CHD7: variants seen among roughly 807,000 people sequenced by gnomAD.
CHD7 encodes ATP-dependent chromatin remodeler CHD7.
A neutral mutation model predicts 307.3 loss-of-function variants in CHD7; 24 were observed. The ratio of observed to expected loss-of-function variants is 0.08; its 90% CI spans 0.06 to 0.11. CHD7 has a LOEUF of 0.11. Among genes scored for constraint, CHD7 ranks in the 10% least tolerant of loss-of-function variants. The pLI, the probability that CHD7 is intolerant of heterozygous loss-of-function variation, is 1.00. For missense variants in CHD7, 3,106 were observed against 3,727.1 expected, an observed-to-expected ratio of 0.83 and a Z score of 4.34; for synonymous variants, 1,363 against 1,349.9, an observed-to-expected ratio of 1.01 and a Z score of -0.21.
chr8:60,811,964 T>G (rs1233397018), intron 7 of CHD7, among the ~76,000 whole-genome samples: 1 of 152,250 alleles, frequency 6.6e-6, no homozygotes, highest in Non-Finnish European at 1.5e-5. Flanking sequence ...TTTTTACATC[T>G]TGCTTTGTCA....
chr8:60,753,684 G>C (rs944858601), intron 2 of CHD7, among the ~76,000 whole-genome samples: 12 of 151,328 alleles, frequency 7.9e-5, no homozygotes, highest in African/African-American at 2.9e-4. Context: ...GTTTGCAGTG[G>C]TGCGATCTTG....
chr8:60,791,510 G>A (rs549583562), intron 3 of CHD7, among the ~76,000 whole-genome samples: 95 of 152,264 alleles, frequency 6.2e-4, no homozygotes, highest in African/African-American at 2.2e-3. Flanking sequence ...CTAGAACAGT[G>A]GCCCTTTTCA....
rs115293759 is a variant in CHD7 at position 60,741,741 on chromosome 8, G to A, written c.309G>A (p.Ser103=). ...TPGNGLASPH[S]QYHTPPVPQV... is the part of the protein sequence containing the mutation. ...GGAACGGACTCGCGTCTCCGCACTC[G>A]CAGTATCACACCCCTCCCGTTCCTC... is the stretch of plus-strand genomic sequence containing the variant. The change falls in exon 2 of 38, where the codon TCG becomes TCA. Residue 103 remains serine (S), a synonymous_variant. Transcript: ENST00000423902. 1,518 of 1,613,900 alleles carry A rather than the reference G, an allele frequency of 9.4e-4. 10 individuals are homozygous for A. The African/African-American group carries it at 0.018, about 19-fold the overall frequency.
chr8:60,710,964 A>C (rs563737277), intron 1 of CHD7, among the ~76,000 whole-genome samples: 35 of 152,294 alleles, frequency 2.3e-4, no homozygotes, highest in Non-Finnish European at 4.0e-4. Flanking sequence ...AATAAAACAT[A>C]TTTTTTTAAA....
At chr8:60,702,739 T>G (rs929552834) in intron 1 of CHD7, among the ~76,000 whole-genome samples, 3 of 152,378 alleles carry the variant, frequency 2.0e-5, no homozygotes, top group South Asian at 4.1e-4. Context: ...TGTAACAAAC[T>G]ACACTGAAAC....
chr8:60,779,270 A>AT (rs932931717), intron 2 of CHD7, among the ~76,000 whole-genome samples: 59 of 152,304 alleles, frequency 3.9e-4, no homozygotes, highest in African/African-American at 1.4e-3. Context: ...CTGGACTTGA[A>AT]TTTTAATCTC....
rs1441410913 is a variant in CHD7, at chr8:60,844,873, G to A, written c.4860G>A (p.Arg1620=). The A allele has an allele frequency of 1.1e-5, 17 of 1,598,072 alleles. No individual in the cohort carries two copies. Among genetic ancestry groups the A allele is most frequent in the African/African-American group, 1.3e-5 (1 of 74,754 alleles). ...GATATTTGCTTTGCAGTTGGGGACGGTGGACAGACATTCTTTCCCACGGAC... is the reference window on the plus strand; with the variant it reads ...GATATTTGCTTTGCAGTTGGGGACGATGGACAGACATTCTTTCCCACGGAC... ...EKNLLVYGWG[R]WTDILSHGRY... Residue 1620 remains arginine, a synonymous_variant, in exon 22 of 38, where the codon CGG becomes CGA. Transcript: ENST00000423902.
rs886063044 is a variant in CHD7 at position 60,866,226 on chromosome 8, G to C, written c.*293G>C. The C allele has an allele frequency of 1.7e-5, 4 of 229,934 alleles. No individual in the cohort carries two copies. The highest frequency in any genetic ancestry group is 2.5e-5 in the Non-Finnish European group (3 of 118,014). 14.2% of individuals were successfully genotyped at this position (229,934 alleles called of 1,614,324 possible). A position where few individuals can be genotyped will look rare whatever the true frequency, so the allele number is the denominator to read the frequency against. ...TTTTTTTTTTCTCTTGGTACCATTG[G>C]TATTATAATAAAGAGCAATTTGTAA... On this transcript the variant is annotated 3_prime_UTR_variant, in exon 38 of 38. Transcript: ENST00000423902.
chr8:60,747,916 G>A (rs561211750), intron 2 of CHD7, among the ~76,000 whole-genome samples: 1 of 152,292 alleles, frequency 6.6e-6, no homozygotes, highest in East Asian at 1.9e-4. Context: ...CTTAACAGTG[G>A]GGACTCAAAA....
intron 2 of CHD7, among the ~76,000 whole-genome samples, chr8:60,776,517 C>T (rs539220944): frequency 6.6e-6 from 1 of 152,138 alleles, no homozygotes; most frequent in Non-Finnish European, 1.5e-5. Flanking sequence ...TCTGCCTCCC[C>T]CTCTCTCTCA....
chr8:60,691,425 A>G (rs577686206), intron 1 of CHD7, among the ~76,000 whole-genome samples: 1 of 152,346 alleles, frequency 6.6e-6, no homozygotes, highest in Admixed American at 6.5e-5. Context: ...ATTAATTCAT[A>G]TATTTATACA....
intron 1 of CHD7, among the ~76,000 whole-genome samples, chr8:60,720,923 A>G (rs1807866704): frequency 6.6e-6 from 1 of 152,126 alleles, no homozygotes; most frequent in Admixed American, 6.5e-5. Flanking sequence ...TCCCTTTTCT[A>G]TGGGAGTCCC....
chr8:60,764,772 G>A (rs1810386173), intron 2 of CHD7, among the ~76,000 whole-genome samples: 1 of 152,206 alleles, frequency 6.6e-6, no homozygotes, highest in African/African-American at 2.4e-5. Context: ...ATGCAGACTT[G>A]TATGGGAGAA....
chr8:60,773,531 A>G (rs1810811306), intron 2 of CHD7, among the ~76,000 whole-genome samples: 1 of 152,202 alleles, frequency 6.6e-6, no homozygotes, highest in African/African-American at 2.4e-5. Flanking sequence ...GGCTGTTTCA[A>G]CTATATGGCC....
At chr8:60,748,989 A>T (rs535272851) in intron 2 of CHD7, among the ~76,000 whole-genome samples, 34 of 151,288 alleles carry the variant, frequency 2.2e-4, no homozygotes, top group Non-Finnish European at 3.4e-4. Flanking sequence ...TTTTTTTTTA[A>T]AAAAATAGCC....
At chr8:60,697,272 A>G (rs909342479) in intron 1 of CHD7, among the ~76,000 whole-genome samples, 1 of 152,224 alleles carries the variant, frequency 6.6e-6, no homozygotes, top group Non-Finnish European at 1.5e-5. Flanking sequence ...TTCTCATGGA[A>G]GAAACACATT....
intron 3 of CHD7, among the ~76,000 whole-genome samples, chr8:60,788,701 G>A (rs1011866566): frequency 6.6e-6 from 1 of 152,192 alleles, no homozygotes; most frequent in Non-Finnish European, 1.5e-5. Context: ...AGGCTGCTGG[G>A]TGCAGGATTG....
chr8:60,696,792 C>T (rs1674411763), intron 1 of CHD7, among the ~76,000 whole-genome samples: 1 of 150,960 alleles, frequency 6.6e-6, no homozygotes, highest in African/African-American at 2.4e-5. Context: ...CCATAATTTT[C>T]CATAATTTTA....
rs1804803619 is a variant in CHD7, at chr8:60,837,804, C to T, written c.4322C>T (p.Ser1441Phe). ...GGCCTGGATAAAGCTGTGCTACAGT[C>T]TATGAGTGGAAGAGAAAATGCTACC... is the stretch of plus-strand genomic sequence containing the variant. Reference protein sequence around the residue: ...KLGLDKAVLQSMSGRENATNG... With the variant: ...KLGLDKAVLQFMSGRENATNG... Residue 1441 changes from serine to phenylalanine, a missense_variant, in exon 18 of 38, where the codon TCT becomes TTT. Ser to Phe is a radical substitution (Grantham distance 155, BLOSUM62 -2). Around this residue, in one of 10 missense-constraint regions of CHD7, gnomAD observed 93 missense variants for 176.4 expected, o/e 0.53. Coordinates refer to ENST00000423902, the MANE Select transcript of CHD7 (RefSeq NM_017780.4). 6.2e-7 allele frequency: 1 copy of T among 1,613,620 alleles called. No homozygotes were observed. The highest frequency in any genetic ancestry group is 1.7e-5 in the Admixed American group (1 of 59,958).
Sources: gnomAD v4.1 joint callset for allele counts (sites outside exome capture counted in the v4.1 genomes callset) on GRCh38, gnomAD v4.1.1 for gene constraint, gnomAD v4.1.1 regional missense constraint, MANE v1.5 for transcripts, NCBI Gene and HGNC (gene_info 2026-07-23, HGNC 2026-07-21) for gene names.